Variants in BCAS1 observed in about 807,000 individuals in gnomAD.
BCAS1 encodes the protein breast carcinoma-amplified sequence 1.
A neutral mutation model predicts 65.4 loss-of-function variants in BCAS1; 46 were observed. The ratio of observed to expected loss-of-function variants is 0.70; its 90% CI spans 0.55 to 0.90. The LOEUF (loss-of-function observed/expected upper bound fraction) is 0.90. Ranked by LOEUF, BCAS1 falls within the 40% of genes least tolerant of loss-of-function variation. BCAS1 has a pLI of 0.00. For synonymous variants in BCAS1, 298 were observed against 293.5 expected, an observed-to-expected ratio of 1.02 and a Z score of -0.16; for missense variants, 793 against 771.2, an observed-to-expected ratio of 1.03 and a Z score of -0.33.
intron 4 of BCAS1, among the ~76,000 whole-genome samples, chr20:54,017,149 A>G (rs959876319): frequency 6.6e-6 from 1 of 152,196 alleles, no homozygotes; most frequent in African/African-American, 2.4e-5. Flanking sequence ...AGCAACGCAC[A>G]CTTGCTTCCC....
intron 8 of BCAS1, 152 bp from the exon 9 acceptor site, chr20:53,975,582 A>G: frequency 4.6e-6 from 2 of 439,156 alleles, no homozygotes; most frequent in Non-Finnish European, 8.3e-6. Context: ...AAGAAAGGAG[A>G]CTTACAAAAA....
At chr20:54,019,861 G>A (rs574455949) in intron 4 of BCAS1, among the ~76,000 whole-genome samples, 104 of 152,252 alleles carry the variant, frequency 6.8e-4, no homozygotes, top group African/African-American at 2.5e-3. Flanking sequence ...ACAGACTGAC[G>A]GCTGCACTGT....
chr20:54,048,293 T>C (rs1180033459), intron 3 of BCAS1, among the ~76,000 whole-genome samples: 2 of 152,226 alleles, frequency 1.3e-5, no homozygotes, highest in South Asian at 2.1e-4. Flanking sequence ...GAATCACCTC[T>C]GGCAGACACT....
intron 3 of BCAS1, among the ~76,000 whole-genome samples, chr20:54,038,704 A>G (rs2091939738): frequency 6.6e-6 from 1 of 151,450 alleles, no homozygotes; most frequent in Admixed American, 6.6e-5. Flanking sequence ...TTTTATTTAC[A>G]AAGTGTCCAT....
At chr20:53,964,030 C>T (rs1280577358) in intron 10 of BCAS1, among the ~76,000 whole-genome samples, 2 of 152,244 alleles carry the variant, frequency 1.3e-5, no homozygotes, top group Non-Finnish European at 2.9e-5. Flanking sequence ...CCTGTTTACG[C>T]TCACTGTTGT....
intron 3 of BCAS1, among the ~76,000 whole-genome samples, chr20:54,041,300 T>C (rs370732597): frequency 6.6e-6 from 1 of 151,326 alleles, no homozygotes; most frequent in Non-Finnish European, 1.5e-5. Flanking sequence ...GAATTGTCAC[T>C]CTAAAAGGTG....
intron 3 of BCAS1, among the ~76,000 whole-genome samples, chr20:54,044,100 T>A (rs945617306): frequency 4.6e-5 from 7 of 152,194 alleles, no homozygotes; most frequent in African/African-American, 1.2e-4. Context: ...AAGCTGATTT[T>A]AAAAAAATGT....
chr20:53,988,375 C>T (rs940728614), intron 7 of BCAS1, among the ~76,000 whole-genome samples: 2 of 152,206 alleles, frequency 1.3e-5, no homozygotes, highest in Non-Finnish European at 2.9e-5. Context: ...CCCTGGACCA[C>T]TGTTGCATCT....
rs11469328 is a variant in BCAS1, at chr20:54,022,285, TTGTG to T, written c.723+6103_723+6106del. Among the ~76,000 whole-genome samples, 89 of 150,624 alleles carry T rather than the reference TTGTG, an allele frequency of 5.9e-4. No individual in the cohort carries two copies. The East Asian group carries it at 0.012, about 20-fold the overall frequency. On this transcript the variant is annotated intron_variant, in intron 4 of 12. Coordinates refer to ENST00000688948, the MANE Select transcript of BCAS1 (RefSeq NM_001366298.2). ...TAAGTGAACCACTATTAATTGATTG[TTGTG>T]TGTGTGTGTGTGTGTGTTTCCTGCA...
intron 6 of BCAS1, 87 bp downstream of exon 6, chr20:53,994,925 A>G (rs2090864967): frequency 1.8e-6 from 2 of 1,130,648 alleles, no homozygotes; most frequent in Non-Finnish European, 2.7e-6. Context: ...ACATATATGT[A>G]TTCAAAAAAC....
At chr20:54,048,541 C>G (rs905835169) in intron 3 of BCAS1, among the ~76,000 whole-genome samples, 3 of 152,166 alleles carry the variant, frequency 2.0e-5, no homozygotes, top group Non-Finnish European at 4.4e-5. Context: ...GGCCTTTCCT[C>G]TCCTGCTTTT....
At chr20:54,065,011 C>G (rs1003404220) in intron 1 of BCAS1, among the ~76,000 whole-genome samples, 1 of 152,100 alleles carries the variant, frequency 6.6e-6, no homozygotes, top group African/African-American at 2.4e-5. Context: ...AAGTGCCTGG[C>G]AGGGCGAGCA....
chr20:53,983,660 C>A (rs1194518916), intron 8 of BCAS1, among the ~76,000 whole-genome samples: 1 of 152,318 alleles, frequency 6.6e-6, no homozygotes, highest in East Asian at 1.9e-4. Context: ...GGGCTCCTAC[C>A]AATGACTGGG....
intron 4 of BCAS1, among the ~76,000 whole-genome samples, chr20:54,002,255 G>A (rs1032353931): frequency 2.0e-5 from 3 of 152,076 alleles, no homozygotes; most frequent in Non-Finnish European, 4.4e-5. Flanking sequence ...CCTAGGCTAT[G>A]GGCTGGAAAC....
intron 4 of BCAS1, among the ~76,000 whole-genome samples, chr20:54,027,457 T>A (rs2091698151): frequency 6.6e-6 from 1 of 152,186 alleles, no homozygotes; most frequent in African/African-American, 2.4e-5. Flanking sequence ...AGTGCAAAGT[T>A]GCATTGTATT....
chr20:54,066,574 G>T (rs1261196853), intron 1 of BCAS1, among the ~76,000 whole-genome samples: 1 of 152,178 alleles, frequency 6.6e-6, no homozygotes, highest in African/African-American at 2.4e-5. Context: ...AAATCAGAAG[G>T]GTGGACCTTG....
chr20:53,980,435 G>C (rs2090447672), intron 8 of BCAS1, among the ~76,000 whole-genome samples: 1 of 152,130 alleles, frequency 6.6e-6, no homozygotes, highest in South Asian at 2.1e-4. Context: ...ATTGCACAGA[G>C]CTGAAAAAAA....
intron 4 of BCAS1, among the ~76,000 whole-genome samples, chr20:54,004,389 TAGC>T (rs2091134866): frequency 1.3e-5 from 2 of 152,220 alleles, no homozygotes; most frequent in Admixed American, 6.5e-5. Context: ...GGTACTTTGA[TAGC>T]AGCCTGAACT....
At chr20:53,984,256 G>T (rs965116663) in intron 8 of BCAS1, among the ~76,000 whole-genome samples, 5 of 151,966 alleles carry the variant, frequency 3.3e-5, no homozygotes, top group African/African-American at 1.2e-4. Context: ...CTATTATATT[G>T]CTGGTAAAAG....
Sources: gnomAD v4.1 joint callset for allele counts (sites outside exome capture counted in the v4.1 genomes callset) on GRCh38, gnomAD v4.1.1 for gene constraint, MANE v1.5 for transcripts, NCBI Gene and HGNC (gene_info 2026-07-23, HGNC 2026-07-21) for gene names.